Variants in FYCO1 observed in about 807,000 individuals in gnomAD.
The protein encoded by FYCO1 is FYVE and coiled-coil domain autophagy adaptor 1, also known as FYVE and coiled-coil domain-containing protein 1.
Under a neutral mutation model 165.1 loss-of-function variants are expected in FYCO1, and 122 were observed. The ratio of observed to expected loss-of-function variants is 0.74; its 90% CI spans 0.64 to 0.86. The LOEUF is 0.86. FYCO1 is among the 40% of genes least tolerant of loss of function. The probability of loss-of-function intolerance (pLI) is 0.00; values close to 1 mark genes in which losing one functional copy is unlikely to be tolerated. For synonymous variants in FYCO1, 648 were observed against 742.5 expected (o/e 0.87, Z 2.07); for missense variants, 1,702 against 1,810.3 (o/e 0.94, Z 1.09).
intron 3 of FYCO1, among the ~76,000 whole-genome samples, chr3:45,980,523 G>A (rs1706991983): frequency 6.6e-6 from 1 of 152,092 alleles, no homozygotes; most frequent in Admixed American, 6.6e-5. Flanking sequence ...TCAGCTCTGA[G>A]TCATTTCAAA....
Position 45,968,660 on chromosome 3 carries a change from T to G in FYCO1, c.674A>C (p.Asn225Thr), listed in dbSNP as rs1178586224. 3.1e-6 allele frequency: 5 copies of G among 1,614,164 alleles called. No homozygotes were observed. The East Asian group carries it at 6.7e-5, about 22-fold the overall frequency. Residue 225 changes from asparagine (N) to threonine (T), a missense_variant, in exon 8 of 18, where the codon AAC becomes ACC. By Grantham distance (65) the Asn-to-Thr change is moderately conservative (BLOSUM62 0). Transcript: ENST00000296137. ...VSNFDLNSPL[N>T]NEALEGFDEM... The stretch of plus-strand genomic sequence containing the variant: ...ATCAAAGCCCTCCAATGCCTCGTTG[T>G]TTAGGGGGCTGTTCAGGTCAAAGTT...
intron 2 of FYCO1, 150 bp from the exon 3 acceptor site, chr3:45,981,826 A>G: frequency 2.9e-6 from 2 of 689,652 alleles, no homozygotes; most frequent in Non-Finnish European, 5.3e-6. Context: ...CATGAGATAT[A>G]ACTCCAAGTC....
Position 45,956,322 on chromosome 3 carries a change from C to G in FYCO1, c.3800-929G>C, listed in dbSNP as rs564601460. ...CTGCACTCCAGCCTGAGAAACAGAG[C>G]AAGACTTAGTCTCAAAAATAAATAA... is the stretch of plus-strand genomic sequence containing the variant. On this transcript the variant is annotated intron_variant, in intron 13 of 17. Transcript: ENST00000296137. 1.3e-3 allele frequency among the ~76,000 whole-genome samples: 194 copies of G among 149,556 alleles called. 1 individual carries two copies. Among genetic ancestry groups the G allele is most frequent in the Middle Eastern group, 0.01 (3 of 294 alleles).
chr3:45,952,647 A>G (rs1247509245), intron 14 of FYCO1, among the ~76,000 whole-genome samples: 1 of 152,154 alleles, frequency 6.6e-6, no homozygotes, highest in Non-Finnish European at 1.5e-5. Context: ...CAAACCACAC[A>G]TATTTGTCAG....
chr3:45,955,256 C>A lies in FYCO1; in HGVS notation c.3937G>T (p.Ala1313Ser). 1.9e-6 allele frequency: 3 copies of A among 1,613,928 alleles called. No homozygotes were observed. Among genetic ancestry groups the A allele is most frequent in the South Asian group, 1.1e-5 (1 of 91,064 alleles). The change falls in exon 14 of 18, where the codon GCT becomes TCT. Residue 1313 changes from alanine to serine, a missense_variant. Physicochemically the swap from Ala to Ser is moderately conservative, Grantham distance 99. Transcript: ENST00000296137. Reference sequence around the variant, plus strand: ...GGGGTGACCTCTACTCACTGTTCAGCCGCATTTGGGTCGAGAGAATCAGTT... The same window carrying A: ...GGGGTGACCTCTACTCACTGTTCAGACGCATTTGGGTCGAGAGAATCAGTT... Reference protein sequence around the residue: ...TETDSLDPNAAEQDTTSTSLT... With the variant: ...TETDSLDPNASEQDTTSTSLT...
chr3:45,931,024 C>T, intron 16 of FYCO1, 47 bp downstream of exon 16: 4 of 1,572,404 alleles, frequency 2.5e-6, no homozygotes, highest in South Asian at 2.2e-5. Flanking sequence ...TGCCCAAGTA[C>T]CCAGATGTGT....
Position 45,969,911 on chromosome 3 carries a change from C to T in FYCO1, c.540-146G>A, listed in dbSNP as rs934660335. 1.1e-5 allele frequency: 7 copies of T among 617,988 alleles called. No homozygotes were observed. In the Admixed American group the frequency reaches 1.5e-4, roughly 14 times the overall value. The allele number at this position is 617,988 out of a possible 1,614,324, so 38.3% of individuals were successfully genotyped here. A position where few individuals can be genotyped will look rare whatever the true frequency, so the allele number is the denominator to read the frequency against. On this transcript the variant is annotated intron_variant, in intron 6 of 17. Transcript: ENST00000296137. Reference sequence around the variant, plus strand: ...GAAAGTCAAAGCCAACAGATTCCACCAAAGAGCACAGCTACACTGGTCTGT... The same window carrying T: ...GAAAGTCAAAGCCAACAGATTCCACTAAAGAGCACAGCTACACTGGTCTGT...
In FYCO1 at chr3:45,981,634, T is replaced by C; in HGVS notation, c.98A>G (p.Glu33Gly). 6.2e-7 allele frequency: 1 copy of C among 1,614,108 alleles called. No individual in the cohort carries two copies. Among genetic ancestry groups the C allele is most frequent in the Non-Finnish European group, 8.5e-7 (1 of 1,179,916 alleles). The change falls in exon 3 of 18, where the codon GAA becomes GGA. Residue 33 changes from glutamate (E) to glycine (G), a missense_variant. Transcript: ENST00000296137. ...ELSKEFQEAG[E>G]PITDDSTSLH... is the part of the protein sequence containing the mutation. ...GCTGGTGCTGTCATCCGTGATGGGT[T>C]CCCCTGCTTCCTGAAATTCTTTGCT...
intron 14 of FYCO1, among the ~76,000 whole-genome samples, chr3:45,944,313 T>C (rs1012199334): frequency 6.6e-6 from 1 of 152,236 alleles, no homozygotes; most frequent in Admixed American, 6.5e-5. Context: ...CACAATTTTA[T>C]ATCCTTTTGA....
At chr3:45,943,953 G>C (rs1030412954) in intron 14 of FYCO1, among the ~76,000 whole-genome samples, 2 of 152,032 alleles carry the variant, frequency 1.3e-5, no homozygotes, top group African/African-American at 4.8e-5. Context: ...ACATACTACT[G>C]TAGAAACTTT....
chr3:45,972,982 G>T, intron 6 of FYCO1, 106 bp downstream of exon 6: 1 of 1,164,286 alleles, frequency 8.6e-7, no homozygotes, highest in Non-Finnish European at 1.3e-6. Flanking sequence ...ACAGGTTTGT[G>T]TAATTTACTG....
chr3:45,924,408 C>T (rs569665482), intron 16 of FYCO1, among the ~76,000 whole-genome samples: 4 of 151,954 alleles, frequency 2.6e-5, no homozygotes, highest in South Asian at 2.1e-4. Flanking sequence ...TTTTTTCAGA[C>T]GATTTTTGAA....
intron 2 of FYCO1, among the ~76,000 whole-genome samples, chr3:45,984,246 G>A (rs748405184): frequency 1.8e-4 from 27 of 152,326 alleles, no homozygotes; most frequent in African/African-American, 2.9e-4. Context: ...AAAATAGTCC[G>A]TTTCTCCTGA....
In FYCO1 at chr3:45,967,483, G is replaced by A. The variant is rs1189135925; in HGVS notation, c.1851C>T (p.Ala617=). ...GTAGCTCCTTCTCCAGCTCCCTGTT[G>A]GCCTGCCGGAGCTCTTCCTCCTGGC... ...EGSQEEELRQ[A]NRELEKELQN... Residue 617 remains alanine (A), a synonymous_variant, in exon 8 of 18, where the codon GCC becomes GCT. Coordinates refer to ENST00000296137, the MANE Select transcript of FYCO1 (RefSeq NM_024513.4). The A allele has an allele frequency of 6.2e-7, 1 of 1,613,562 alleles. No homozygotes were observed. Among genetic ancestry groups the A allele is most frequent in the African/African-American group, 1.3e-5 (1 of 74,910 alleles).
intron 8 of FYCO1, among the ~76,000 whole-genome samples, chr3:45,965,984 T>A (rs1705986519): frequency 6.6e-6 from 1 of 152,256 alleles, no homozygotes; most frequent in African/African-American, 2.4e-5. Flanking sequence ...GCTCTTTCAA[T>A]GTTGGCTACT....
At chr3:45,951,040 T>C (rs1253475915) in intron 14 of FYCO1, among the ~76,000 whole-genome samples, 1 of 152,158 alleles carries the variant, frequency 6.6e-6, no homozygotes, top group Non-Finnish European at 1.5e-5. Flanking sequence ...GCTCTGAGGG[T>C]TCAGGGAATG....
intron 14 of FYCO1, among the ~76,000 whole-genome samples, chr3:45,944,001 A>T (rs1704416736): frequency 6.6e-6 from 1 of 152,242 alleles, no homozygotes; most frequent in African/African-American, 2.4e-5. Flanking sequence ...TAAGTCACCC[A>T]TAATTCCACC....
chr3:45,968,784 A>G, intron 7 of FYCO1, 81 bp from the exon 8 acceptor site: 1 of 1,549,482 alleles, frequency 6.5e-7, no homozygotes, highest in South Asian at 1.1e-5. Flanking sequence ...GTTTAATGAG[A>G]GCAGAGGTAA....
chr3:45,981,459 G>A, intron 3 of FYCO1, 111 bp downstream of exon 3: 1 of 739,072 alleles, frequency 1.4e-6, no homozygotes. Flanking sequence ...AACCACGAGG[G>A]CTTACTGGCT....
Sources: allele counts gnomAD v4.1 joint callset (sites outside exome capture counted in the v4.1 genomes callset), GRCh38; gene constraint gnomAD v4.1.1; transcripts MANE v1.5; gene names NCBI Gene and HGNC (gene_info 2026-07-23, HGNC 2026-07-21).